MYDGF: variants seen among roughly 807,000 people sequenced by gnomAD.
The protein encoded by MYDGF is myeloid derived growth factor.
A neutral mutation model predicts 24.2 loss-of-function variants in MYDGF; 29 were observed. The observed-to-expected ratio is 1.20, with a 90% CI of 0.89 to 1.63. MYDGF has a LOEUF of 1.63. Ranked by LOEUF, MYDGF falls within the 40% of genes most tolerant of loss-of-function variation. MYDGF has a pLI of 0.00. For synonymous variants in MYDGF, 105 were observed against 102.5 expected (o/e 1.02, Z -0.15); for missense variants, 245 against 234.8 (o/e 1.04, Z -0.29).
chr19:4,661,402 T>G (rs1451131872), intron 3 of MYDGF, among the ~76,000 whole-genome samples: 1 of 152,160 alleles, frequency 6.6e-6, no homozygotes, highest in African/African-American at 2.4e-5. Flanking sequence ...ATCCAGGTAC[T>G]ACGACGGGGG....
At position 4,660,483 on chromosome 19, in the gene MYDGF, C is replaced by T. The variant is rs112836305; in HGVS notation, c.369+186G>A. 3.0e-3 allele frequency: 1,708 copies of T among 567,890 alleles called. 13 individuals are homozygous for T. Among genetic ancestry groups the T allele is most frequent in the Middle Eastern group, 0.025 (60 of 2,428 alleles). The allele number at this position is 567,890 out of a possible 1,614,324, so 35.2% of individuals were successfully genotyped here. On this transcript the variant is annotated intron_variant, in intron 4 of 5. Coordinates refer to ENST00000262947, the MANE Select transcript of MYDGF (RefSeq NM_019107.4). The stretch of plus-strand genomic sequence containing the variant: ...AAGCCAGCAGCAACAGGTTACCAAA[C>T]CCCCGTGCCCCTGGCCTGGGGGCGT...
At chr19:4,660,489 T>TG (rs1398380704) in intron 4 of MYDGF, 180 bp downstream of exon 4, 30 of 579,736 alleles carry the variant, frequency 5.2e-5, no homozygotes, top group Non-Finnish European at 6.6e-5. Context: ...CAAACCCCCG[T>TG]GCCCCTGGCC....
chr19:4,664,875 C>A lies in MYDGF; in HGVS notation c.287+1G>T. On this transcript the variant is annotated splice_donor_variant, in intron 3 of 5. Transcript: ENST00000262947. LOFTEE classifies it high-confidence loss of function. Reference sequence around the variant, plus strand: ...AATGCCATCCCCACCCCGAGTCTCACCTCCAGATGGTGCAGGTGAAGTGCT... The same window carrying A: ...AATGCCATCCCCACCCCGAGTCTCAACTCCAGATGGTGCAGGTGAAGTGCT... 6.2e-7 allele frequency: 1 copy of A among 1,612,672 alleles called. No individual in the cohort carries two copies. Among genetic ancestry groups the A allele is most frequent in the Non-Finnish European group, 8.5e-7 (1 of 1,179,720 alleles).
chr19:4,670,298 C>G lies in MYDGF; in HGVS notation c.37G>C (p.Ala13Pro). The change falls in exon 1 of 6, where the codon GCG becomes CCG. Residue 13 changes from alanine (A) to proline (P), a missense_variant. Ala to Pro is a conservative substitution (Grantham distance 27). Coordinates refer to ENST00000262947, the MANE Select transcript of MYDGF (RefSeq NM_019107.4). ...APSGGWNGVG[A>P]SLWAALLLGA... ...AGGAGCAGCGCGGCCCACAAGCTCG[C>G]GCCGACGCCGTTCCACCCTCCGCTG... The G allele has an allele frequency of 6.6e-7, 1 of 1,504,706 alleles. No homozygotes were observed. The highest frequency in any genetic ancestry group is 8.9e-7 in the Non-Finnish European group (1 of 1,126,384). 93.2% of individuals were successfully genotyped at this position (1,504,706 alleles called of 1,614,324 possible).
chr19:4,664,626 G>A (rs1340549477), intron 3 of MYDGF, among the ~76,000 whole-genome samples: 2 of 152,126 alleles, frequency 1.3e-5, no homozygotes, highest in African/African-American at 4.8e-5. Context: ...CCTTTTCCTG[G>A]GACCTTGCCC....
At chr19:4,660,091 A>G in intron 4 of MYDGF, 88 bp from the exon 5 acceptor site, 1 of 1,284,522 alleles carries the variant, frequency 7.8e-7, no homozygotes, top group African/African-American at 1.5e-5. Flanking sequence ...AGAGAAGCAC[A>G]GACTAAAGCT....
At chr19:4,665,738 G>A (rs1036541278) in intron 2 of MYDGF, among the ~76,000 whole-genome samples, 28 of 148,284 alleles carry the variant, frequency 1.9e-4, no homozygotes, top group African/African-American at 4.2e-4. Context: ...GGAGAATGGC[G>A]TGTACCCGGG....
chr19:4,669,058 G>C (rs554402554), intron 1 of MYDGF, among the ~76,000 whole-genome samples: 54 of 152,232 alleles, frequency 3.5e-4, no homozygotes, highest in African/African-American at 1.2e-3. Flanking sequence ...ACCTGGACAA[G>C]TGAAAACTTT....
chr19:4,660,652 C>T lies in MYDGF; in HGVS notation c.369+17G>A, dbSNP rs1215116551. On this transcript the variant is annotated intron_variant, in intron 4 of 5. Coordinates refer to ENST00000262947, the MANE Select transcript of MYDGF (RefSeq NM_019107.4). The stretch of plus-strand genomic sequence containing the variant: ...CAGAAGCCACACCCGGAGCCTGCCC[C>T]ACTCCAAGATACTCACGTAGGCCAT... 35 of 1,611,132 alleles carry T rather than the reference C, an allele frequency of 2.2e-5. No homozygotes were observed. Among genetic ancestry groups the T allele is most frequent in the Non-Finnish European group, 2.9e-5 (34 of 1,177,418 alleles).
chr19:4,665,044 G>A (rs374076126), intron 2 of MYDGF, 107 bp from the exon 3 acceptor site: 4 of 1,236,552 alleles, frequency 3.2e-6, no homozygotes, highest in East Asian at 5.4e-5. Flanking sequence ...TGTACCTCCC[G>A]ATTCAGGGGC....
At position 4,670,293 on chromosome 19, in the gene MYDGF, G is replaced by C. The variant is rs775582677; in HGVS notation, c.42C>G (p.Ser14Arg). The C allele has an allele frequency of 2.6e-6, 4 of 1,513,788 alleles. No individual in the cohort carries two copies. In the East Asian group the frequency reaches 8.3e-5, roughly 31 times the overall value. 93.8% of individuals were successfully genotyped at this position (1,513,788 alleles called of 1,614,324 possible). ...CCCCTAGGAGCAGCGCGGCCCACAA[G>C]CTCGCGCCGACGCCGTTCCACCCTC... is the stretch of plus-strand genomic sequence containing the variant. ...PSGGWNGVGASLWAALLLGAV... is the reference protein window; with the variant it reads ...PSGGWNGVGARLWAALLLGAV... The change falls in exon 1 of 6, where the codon AGC (serine) becomes AGG (arginine). Residue 14 changes from serine (S) to arginine (R), a missense_variant. Physicochemically the swap from Ser to Arg is moderately radical, Grantham distance 110. Coordinates refer to ENST00000262947, the MANE Select transcript of MYDGF (RefSeq NM_019107.4).
At position 4,660,697 on chromosome 19, in the gene MYDGF, C is replaced by T. The variant is rs1297991220; in HGVS notation, c.341G>A (p.Gly114Asp). 1.2e-6 allele frequency: 2 copies of T among 1,613,980 alleles called. 1 individual carries two copies. The highest frequency in any genetic ancestry group is 2.7e-5 in the African/African-American group (2 of 74,924). Residue 114 changes from glycine (G) to aspartate (D), a missense_variant, in exon 4 of 6, where the codon GGC becomes GAC. Gly to Asp is a moderately conservative substitution (Grantham distance 94). Coordinates refer to ENST00000262947, the MANE Select transcript of MYDGF (RefSeq NM_019107.4). The stretch of plus-strand genomic sequence containing the variant: ...GGCCATGGCGTACTCAATCTCAGCG[C>T]CCCGCACCTCTGCCTTGAACTGTGT... The part of the protein sequence containing the change: ...YFTQFKAEVR[G>D]AEIEYAMAYS...
intron 3 of MYDGF, among the ~76,000 whole-genome samples, chr19:4,661,778 T>C (rs1353167222): frequency 6.6e-6 from 1 of 152,040 alleles, no homozygotes; most frequent in Non-Finnish European, 1.5e-5. Context: ...CTGTCTGAGA[T>C]GAGGAGGCCT....
chr19:4,663,960 C>G (rs2088501196), intron 3 of MYDGF, among the ~76,000 whole-genome samples: 1 of 151,514 alleles, frequency 6.6e-6, no homozygotes, highest in Admixed American at 6.6e-5. Context: ...CCACATGTTC[C>G]TGCAGGGAGC....
chr19:4,668,673 T>C (rs749045200), intron 1 of MYDGF, 28 bp from the exon 2 acceptor site: 2 of 1,597,308 alleles, frequency 1.3e-6, no homozygotes, highest in Non-Finnish European at 8.6e-7. Context: ...AAAAAAGGTT[T>C]GGTAGAAGGA....
In MYDGF at chr19:4,660,580, C is replaced by T. The variant is rs2088461781; in HGVS notation, c.369+89G>A. On this transcript the variant is annotated intron_variant, in intron 4 of 5. Coordinates refer to ENST00000262947, the MANE Select transcript of MYDGF (RefSeq NM_019107.4). ...TCGCTGTCCCCTCTCCTCCCTGTCCCCATGGAGCCCTCTTGTGGCAGGACA... is the reference window on the plus strand; with the variant it reads ...TCGCTGTCCCCTCTCCTCCCTGTCCTCATGGAGCCCTCTTGTGGCAGGACA... 5.6e-6 allele frequency: 7 copies of T among 1,250,132 alleles called. No homozygotes were observed. In the Admixed American group the frequency reaches 1.2e-4, roughly 22 times the overall value. The allele number at this position is 1,250,132 out of a possible 1,614,324, so 77.4% of individuals were successfully genotyped here.
intron 3 of MYDGF, among the ~76,000 whole-genome samples, chr19:4,662,666 C>T (rs546308782): frequency 1.3e-4 from 20 of 152,220 alleles, no homozygotes; most frequent in African/African-American, 4.6e-4. Context: ...CAGCTTTTGT[C>T]TGATTCCCAG....
chr19:4,661,427 T>A (rs1037837047), intron 3 of MYDGF, among the ~76,000 whole-genome samples: 4 of 152,136 alleles, frequency 2.6e-5, no homozygotes, highest in Non-Finnish European at 5.9e-5. Flanking sequence ...GGCTGGGCAA[T>A]GAGAGGCCAG....
In MYDGF at chr19:4,657,901, A is replaced by T. The variant is rs1438297241; in HGVS notation, c.*104T>A. The T allele has an allele frequency of 9.1e-7, 1 of 1,100,314 alleles. No homozygotes were observed. The highest frequency in any genetic ancestry group is 1.3e-6 in the Non-Finnish European group (1 of 780,046). The allele number at this position is 1,100,314 out of a possible 1,614,324, so 68.2% of individuals were successfully genotyped here. ...AACGTCAGCCCAGGTAGAAAACTTAAGAGTCCCTCCTAGAAAACCAGTGAT... is the reference window on the plus strand; with the variant it reads ...AACGTCAGCCCAGGTAGAAAACTTATGAGTCCCTCCTAGAAAACCAGTGAT... On this transcript the variant is annotated 3_prime_UTR_variant, in exon 6 of 6. Transcript: ENST00000262947.
Sources: allele counts gnomAD v4.1 joint callset (sites outside exome capture counted in the v4.1 genomes callset), GRCh38; gene constraint gnomAD v4.1.1; transcripts MANE v1.5; gene names NCBI Gene and HGNC (gene_info 2026-07-23, HGNC 2026-07-21).